GASK1B: variants seen among roughly 807,000 people sequenced by gnomAD.
The protein encoded by GASK1B is Golgi-associated kinase 1B.
In GASK1B, 34 loss-of-function variants were observed where a neutral mutation model predicts 42.8. The ratio of observed to expected loss-of-function variants is 0.79; its 90% CI spans 0.60 to 1.06. The LOEUF (loss-of-function observed/expected upper bound fraction) is 1.06. GASK1B is among the 50% of genes least tolerant of loss of function. GASK1B has a pLI of 0.00. For synonymous variants in GASK1B, 262 were observed against 259.1 expected (o/e 1.01, Z -0.11); for missense variants, 686 against 661.0 (o/e 1.04, Z -0.42).
At chr4:158,148,233 A>G (rs1731409524) in intron 3 of GASK1B, among the ~76,000 whole-genome samples, 2 of 152,176 alleles carry the variant, frequency 1.3e-5, no homozygotes, top group African/African-American at 4.8e-5. Flanking sequence ...AAAGGGAAAG[A>G]AAATATAATA....
intron 3 of GASK1B, among the ~76,000 whole-genome samples, chr4:158,152,970 A>G (rs1731614306): frequency 6.6e-6 from 1 of 152,220 alleles, no homozygotes; most frequent in South Asian, 2.1e-4. Flanking sequence ...CCCCACTTCT[A>G]TTCAACATAA....
chr4:158,142,154 C>T (rs1370076518), intron 3 of GASK1B, among the ~76,000 whole-genome samples: 3 of 149,808 alleles, frequency 2.0e-5, no homozygotes, highest in Admixed American at 1.3e-4. Flanking sequence ...CCTTGTTAGC[C>T]AGGATGGTCT....
chr4:158,148,113 C>A (rs1266756105), intron 3 of GASK1B, among the ~76,000 whole-genome samples: 4 of 152,048 alleles, frequency 2.6e-5, no homozygotes, highest in African/African-American at 9.7e-5. Flanking sequence ...ACTCAGGAGG[C>A]TGAGGTGGAA....
chr4:158,141,053 T>C (rs141220436), intron 3 of GASK1B, among the ~76,000 whole-genome samples: 1 of 152,300 alleles, frequency 6.6e-6, no homozygotes, highest in African/African-American at 2.4e-5. Flanking sequence ...TCAGACGGAT[T>C]CAAGAGCAAA....
intron 2 of GASK1B, among the ~76,000 whole-genome samples, chr4:158,162,072 A>G (rs1405456673): frequency 1.3e-5 from 2 of 152,044 alleles, no homozygotes; most frequent in East Asian, 1.9e-4. Flanking sequence ...TTCATAGTCT[A>G]TTCTCTCTAT....
rs751735334 is a variant in GASK1B at position 158,170,818 on chromosome 4, C to G, written c.558G>C (p.Pro186=). 3.7e-6 allele frequency: 6 copies of G among 1,614,074 alleles called. No homozygotes were observed. The highest frequency in any genetic ancestry group is 1.1e-5 in the South Asian group (1 of 91,086). Residue 186 remains proline, a synonymous_variant, in exon 2 of 5, where the codon CCG becomes CCC. Transcript: ENST00000585682. The stretch of plus-strand genomic sequence containing the variant: ...AGTCTGGGCCCCCGGCTCGCACTCC[C>G]GGACCCCGCACCAACCTCCAGGGTC... ...GERPWRLVRG[P]GVRAGGPDFL...
At chr4:158,133,605 A>G (rs1730767094) in intron 3 of GASK1B, among the ~76,000 whole-genome samples, 1 of 152,214 alleles carries the variant, frequency 6.6e-6, no homozygotes, top group African/African-American at 2.4e-5. Flanking sequence ...TTTAAACTAC[A>G]CAAAAGCATT....
rs1387536816 is a variant in GASK1B at position 158,127,171 on chromosome 4, C to G, written c.*236G>C. On this transcript the variant is annotated 3_prime_UTR_variant, in exon 5 of 5. Transcript: ENST00000585682. The stretch of plus-strand genomic sequence containing the variant: ...GTCAGATGTTCAGACTGACACATAG[C>G]ATGATGTTAGAGAAAAATATAAACA... 1 of 349,006 alleles carries G rather than the reference C, an allele frequency of 2.9e-6. No individual in the cohort carries two copies. The highest frequency in any genetic ancestry group is 5.0e-5 in the East Asian group (1 of 19,836). The allele number at this position is 349,006 out of a possible 1,614,324, so 21.6% of individuals were successfully genotyped here.
At chr4:158,142,528 C>T (rs1731176898) in intron 3 of GASK1B, among the ~76,000 whole-genome samples, 2 of 152,110 alleles carry the variant, frequency 1.3e-5, no homozygotes, top group Admixed American at 1.3e-4. Context: ...GATAACCAAA[C>T]AGGACATGAA....
At chr4:158,141,859 G>A (rs535155236) in intron 3 of GASK1B, among the ~76,000 whole-genome samples, 5 of 150,384 alleles carry the variant, frequency 3.3e-5, no homozygotes, top group South Asian at 4.2e-4. Flanking sequence ...AGCCCGCCTC[G>A]GCCTCCCAAA....
intron 2 of GASK1B, chr4:158,168,644 C>T (rs560210663): frequency 5.9e-5 from 9 of 152,242 alleles, no homozygotes; most frequent in African/African-American, 1.7e-4. Context: ...ATTTCCAAGT[C>T]GTATGATTGG....
At chr4:158,157,731 A>G (rs1039163814) in intron 2 of GASK1B, among the ~76,000 whole-genome samples, 24 of 152,266 alleles carry the variant, frequency 1.6e-4, no homozygotes, top group South Asian at 4.1e-4. Context: ...GAAGGACAGC[A>G]GTTTCCTCAG....
chr4:158,137,122 C>CT (rs1730924215), intron 3 of GASK1B, among the ~76,000 whole-genome samples: 1 of 152,058 alleles, frequency 6.6e-6, no homozygotes, highest in Non-Finnish European at 1.5e-5. Flanking sequence ...CCTGTGCTTG[C>CT]TGTGTGCTTT....
chr4:158,155,655 G>A lies in GASK1B; in HGVS notation c.1081C>T (p.His361Tyr). The A allele has an allele frequency of 6.2e-7, 1 of 1,613,860 alleles. No homozygotes were observed. Among genetic ancestry groups the A allele is most frequent in the South Asian group, 1.1e-5 (1 of 91,074 alleles). ...AGTGCCATCTTGGACCACTCATGAT[G>A]ATGTATTTCAGTACAACCCGATTCA... Reference protein sequence around the residue: ...KPESGCTEIHHHEWSKMALFD... With the variant: ...KPESGCTEIHYHEWSKMALFD... The change falls in exon 3 of 5, where the codon CAT (histidine) becomes TAT (tyrosine). Residue 361 changes from histidine (H) to tyrosine (Y), a missense_variant. Coordinates refer to ENST00000585682, the MANE Select transcript of GASK1B (RefSeq NM_001128424.2).
chr4:158,171,112 A>T lies in GASK1B; in HGVS notation c.264T>A (p.Gly88=). 1 of 1,609,290 alleles carries T rather than the reference A, an allele frequency of 6.2e-7. No homozygotes were observed. Among genetic ancestry groups the T allele is most frequent in the Non-Finnish European group, 8.5e-7 (1 of 1,176,464 alleles). Residue 88 remains glycine, a synonymous_variant, in exon 2 of 5, where the codon GGT becomes GGA. Coordinates refer to ENST00000585682, the MANE Select transcript of GASK1B (RefSeq NM_001128424.2). ...EPSFPEIPLD[G]TLAPPESQGN... is the part of the protein sequence containing the mutation. ...CCTGGGACTCTGGAGGGGCCAGGGT[A>T]CCATCCAGGGGTATCTCAGGGAAGG...
intron 3 of GASK1B, among the ~76,000 whole-genome samples, chr4:158,132,300 G>C (rs1730714033): frequency 6.6e-6 from 1 of 152,130 alleles, no homozygotes; most frequent in African/African-American, 2.4e-5. Context: ...ATCCTCCTGT[G>C]TTTCTGCAGC....
rs1260862133 is a variant in GASK1B, at chr4:158,131,003, G to A, written c.1135C>T (p.Arg379Cys). The A allele has an allele frequency of 1.2e-5, 19 of 1,612,354 alleles. 1 individual carries two copies. Among genetic ancestry groups the A allele is most frequent in the Middle Eastern group, 1.6e-4 (1 of 6,078 alleles). Reference protein sequence around the residue: ...LFDFLLQIYNRLDTNCCGFRP... With the variant: ...LFDFLLQIYNCLDTNCCGFRP... ...AATCCACAGCAATTTGTATCTAAGC[G>A]ATTATAAATCTGTAAATGGAAAACA... The change falls in exon 4 of 5, where the codon CGC becomes TGC. Residue 379 changes from arginine (R) to cysteine (C), a missense_variant. Physicochemically the swap from Arg to Cys is radical, Grantham distance 180. Coordinates refer to ENST00000585682, the MANE Select transcript of GASK1B (RefSeq NM_001128424.2).
chr4:158,165,387 T>C (rs2111016388), intron 2 of GASK1B, among the ~76,000 whole-genome samples: 1 of 152,326 alleles, frequency 6.6e-6, no homozygotes, highest in African/African-American at 2.4e-5. Flanking sequence ...TCTGGTGACT[T>C]TTATAATAAT....
intron 3 of GASK1B, 26 bp downstream of exon 3, chr4:158,155,585 C>T (rs750336462): frequency 2.5e-6 from 4 of 1,590,208 alleles, no homozygotes; most frequent in South Asian, 2.2e-5. Flanking sequence ...TCTTAGATAA[C>T]TATTTGCTTG....
Sources: gnomAD v4.1 joint callset for allele counts (sites outside exome capture counted in the v4.1 genomes callset) on GRCh38, gnomAD v4.1.1 for gene constraint, MANE v1.5 for transcripts, NCBI Gene and HGNC (gene_info 2026-07-23, HGNC 2026-07-21) for gene names.